The following RPS6KC1 variants were observed in gnomAD, a reference collection of about 807,000 sequenced individuals.
RPS6KC1 encodes inactive ribosomal protein S6 kinase delta-1.
A neutral mutation model predicts 103.8 loss-of-function variants in RPS6KC1; 54 were observed. The observed-to-expected ratio is 0.52, with a 90% CI of 0.42 to 0.65. RPS6KC1 has a LOEUF of 0.65. Ranked by LOEUF, RPS6KC1 falls within the 30% of genes least tolerant of loss-of-function variation. The pLI, the probability that RPS6KC1 is intolerant of heterozygous loss-of-function variation, is 0.00. For missense variants in RPS6KC1, 1,151 were observed against 1,253.8 expected (o/e 0.92, Z 1.24); for synonymous variants, 439 against 438.7 (o/e 1.00, Z -0.01).
At chr1:213,844,931 C>T in the RPS6KC1 span, among the ~76,000 whole-genome samples, 3 of 152,076 alleles carry the variant, frequency 2.0e-5, no homozygotes, top group Non-Finnish European at 2.9e-5. Context: ...CATGTTAAAG[C>T]CTTTGAGAAC....
the RPS6KC1 span, among the ~76,000 whole-genome samples, chr1:213,746,534 C>A: frequency 6.6e-6 from 1 of 152,154 alleles, no homozygotes; most frequent in East Asian, 1.9e-4. Context: ...ATTGTAAGAT[C>A]TTTGGCTTAT....
chr1:213,482,783 G>A, the RPS6KC1 span, among the ~76,000 whole-genome samples: 3 of 151,744 alleles, frequency 2.0e-5, no homozygotes, highest in African/African-American at 7.3e-5. Context: ...TCTTGACATC[G>A]TGATCTGCCC....
At chr1:213,588,520 T>C in the RPS6KC1 span, among the ~76,000 whole-genome samples, 3 of 152,190 alleles carry the variant, frequency 2.0e-5, no homozygotes, top group South Asian at 4.2e-4. Context: ...AGGATGGTCT[T>C]GATCTCCTGA....
chr1:213,290,144 CAAAAAAAAAAAA>C, the RPS6KC1 span, among the ~76,000 whole-genome samples: 1 of 70,096 alleles, frequency 1.4e-5, no homozygotes, highest in South Asian at 6.8e-4. Context: ...GACTCCGTCT[CAAAAAAAAAAAA>C]AAAAAAAAAA....
At chr1:213,220,216 G>A (rs2093794564) in intron 8 of RPS6KC1, among the ~76,000 whole-genome samples, 1 of 152,074 alleles carries the variant, frequency 6.6e-6, no homozygotes. Context: ...GTACATTAAT[G>A]TTTAATAATG....
the RPS6KC1 span, among the ~76,000 whole-genome samples, chr1:213,629,650 C>T: frequency 1.7e-4 from 26 of 152,074 alleles, no homozygotes; most frequent in African/African-American, 5.8e-4. Flanking sequence ...TTATTTTGCT[C>T]GTTAGTTGAT....
chr1:213,846,433 C>T, the RPS6KC1 span, among the ~76,000 whole-genome samples: 1 of 152,130 alleles, frequency 6.6e-6, no homozygotes, highest in African/African-American at 2.4e-5. Flanking sequence ...TGTGTGGGTC[C>T]TAATATCTCA....
chr1:213,156,324 A>G (rs1369938248), intron 6 of RPS6KC1, among the ~76,000 whole-genome samples: 1 of 152,236 alleles, frequency 6.6e-6, no homozygotes, highest in Non-Finnish European at 1.5e-5. Context: ...GTGAGATAAA[A>G]GTATTTTTAA....
At chr1:213,833,006 G>A in the RPS6KC1 span, among the ~76,000 whole-genome samples, 1 of 152,146 alleles carries the variant, frequency 6.6e-6, no homozygotes, top group Non-Finnish European at 1.5e-5. Context: ...GGAAACAAGA[G>A]GCCCCAGACC....
chr1:213,077,800 TA>T lies in RPS6KC1; in HGVS notation c.249del (p.Gly84GlufsTer2). 1 of 1,559,194 alleles carries T rather than the reference TA, an allele frequency of 6.4e-7. No individual in the cohort carries two copies. ...RHSELFPPFAKGIVFGRFDET... is the reference protein window; with the variant it reads ...RHSELFPPFAXGIVFGRFDET... ...ATTCAGAGTTGTTTCCTCCATTTGC[TA>T]AAGGAATAGTGTTTGGTAAGTGATT... On this transcript the variant is annotated frameshift_variant, in exon 3 of 15. Transcript: ENST00000366960. LOFTEE classifies it high-confidence loss of function.
At chr1:213,845,888 T>A in the RPS6KC1 span, among the ~76,000 whole-genome samples, 1 of 152,166 alleles carries the variant, frequency 6.6e-6, no homozygotes, top group Non-Finnish European at 1.5e-5. Context: ...AGCTAATTCC[T>A]CCCTGTAGAT....
chr1:213,728,451 G>A, the RPS6KC1 span, among the ~76,000 whole-genome samples: 4 of 152,152 alleles, frequency 2.6e-5, no homozygotes, highest in Admixed American at 2.0e-4. Context: ...GTGACAGCAA[G>A]TAGTAAACAA....
At chr1:213,201,612 G>A (rs2093166562) in intron 8 of RPS6KC1, among the ~76,000 whole-genome samples, 1 of 152,172 alleles carries the variant, frequency 6.6e-6, no homozygotes, top group South Asian at 2.1e-4. Flanking sequence ...ATTGGTGTAG[G>A]TTCATCAGTT....
chr1:213,249,846 T>G (rs890423719), intron 12 of RPS6KC1, among the ~76,000 whole-genome samples: 25 of 152,208 alleles, frequency 1.6e-4, no homozygotes, highest in African/African-American at 5.8e-4. Flanking sequence ...ACCTATAAAC[T>G]CCCTTGAACA....
At chr1:213,615,176 A>G in the RPS6KC1 span, among the ~76,000 whole-genome samples, 17 of 152,320 alleles carry the variant, frequency 1.1e-4, no homozygotes, top group South Asian at 3.5e-3. Flanking sequence ...TCACAGCCAC[A>G]CAATTTGAGA....
At chr1:213,591,384 A>G in the RPS6KC1 span, among the ~76,000 whole-genome samples, 3 of 151,818 alleles carry the variant, frequency 2.0e-5, no homozygotes, top group Non-Finnish European at 4.4e-5. Flanking sequence ...CAAAGCCTCC[A>G]CTGAAATTCC....
rs114464047 is a variant in RPS6KC1 at position 213,134,492 on chromosome 1, A to G, written c.835+4603A>G. On this transcript the variant is annotated intron_variant, in intron 6 of 14. Coordinates refer to ENST00000366960, the MANE Select transcript of RPS6KC1 (RefSeq NM_012424.6). The stretch of plus-strand genomic sequence containing the variant: ...ATTTTTGACCAGTGAGACTATTTTT[A>G]ATGTTAGTACTCAGATTAAGAGATG... Among the ~76,000 whole-genome samples the G allele has an allele frequency of 3.9e-3, 587 of 152,140 alleles. 4 individuals are homozygous for G. Among genetic ancestry groups the G allele is most frequent in the African/African-American group, 0.014 (569 of 41,520 alleles).
At chr1:213,142,968 A>G (rs2149100754) in intron 6 of RPS6KC1, among the ~76,000 whole-genome samples, 1 of 152,160 alleles carries the variant, frequency 6.6e-6, no homozygotes, top group South Asian at 2.1e-4. Flanking sequence ...ATCTCCAAAG[A>G]TATGCCTGTA....
At chr1:213,590,396 AG>A in the RPS6KC1 span, among the ~76,000 whole-genome samples, 2 of 152,200 alleles carry the variant, frequency 1.3e-5, no homozygotes, top group African/African-American at 2.4e-5. Context: ...AATTTCAAGA[AG>A]GAAAGGTCAG....
Sources: allele counts gnomAD v4.1 joint callset (sites outside exome capture counted in the v4.1 genomes callset), GRCh38; gene constraint gnomAD v4.1.1; transcripts MANE v1.5; gene names NCBI Gene and HGNC (gene_info 2026-07-23, HGNC 2026-07-21).